NOL9: variants seen among roughly 807,000 people sequenced by gnomAD.
NOL9 encodes the protein polynucleotide 5'-hydroxyl-kinase NOL9.
NOL9 carries 28 observed loss-of-function variants against 67.9 expected under a neutral mutation model. The observed-to-expected ratio is 0.41, with a 90% CI of 0.31 to 0.57. NOL9 has a LOEUF of 0.57. Among genes scored for constraint, NOL9 ranks in the 20% least tolerant of loss-of-function variants. The probability of loss-of-function intolerance (pLI) is 0.25; values close to 1 mark genes in which losing one functional copy is unlikely to be tolerated. For synonymous variants in NOL9, 356 were observed against 352.2 expected, an observed-to-expected ratio of 1.01 and a Z score of -0.12; for missense variants, 777 against 897.0, an observed-to-expected ratio of 0.87 and a Z score of 1.71.
chr1:6,538,255 A>C (rs144867496), intron 6 of NOL9, among the ~76,000 whole-genome samples: 3 of 152,326 alleles, frequency 2.0e-5, no homozygotes, highest in African/African-American at 7.2e-5. Flanking sequence ...AAAGCAAAAA[A>C]ACAACCTACA....
chr1:6,531,870 C>A, intron 9 of NOL9, 98 bp downstream of exon 9: 5 of 849,610 alleles, frequency 5.9e-6, no homozygotes, highest in Non-Finnish European at 8.0e-6. Context: ...ATTAAATGAG[C>A]GAGGAGTTAT....
chr1:6,550,641 A>G (rs908040980), intron 1 of NOL9, 26 bp from the exon 2 acceptor site: 1 of 1,543,648 alleles, frequency 6.5e-7, no homozygotes, highest in Non-Finnish European at 8.9e-7. Flanking sequence ...AACAGAAAAA[A>G]CATTATAGAT....
chr1:6,531,621 G>A (rs948932907), intron 9 of NOL9, among the ~76,000 whole-genome samples: 14 of 152,098 alleles, frequency 9.2e-5, no homozygotes, highest in Admixed American at 5.9e-4. Flanking sequence ...GCTCTACAGC[G>A]GAAAAGTGGA....
intron 9 of NOL9, among the ~76,000 whole-genome samples, chr1:6,530,679 C>T (rs1313568557): frequency 1.3e-5 from 2 of 152,364 alleles, no homozygotes; most frequent in Admixed American, 6.5e-5. Flanking sequence ...CCAGGTCTGC[C>T]GCTTCAGCCT....
Position 6,527,636 on chromosome 1 carries a change from AAAC to A in NOL9, c.1826-810_1826-808del, listed in dbSNP as rs201329836. Among the ~76,000 whole-genome samples, 75 of 46,812 alleles carry A rather than the reference AAAC, an allele frequency of 1.6e-3. 1 individual carries two copies. The highest frequency in any genetic ancestry group is 2.6e-3 in the Non-Finnish European group (38 of 14,882). The allele number at this position is 46,812 out of a possible 152,430, so 30.7% of individuals were successfully genotyped here. On this transcript the variant is annotated intron_variant, in intron 10 of 11. Coordinates refer to ENST00000377705, the MANE Select transcript of NOL9 (RefSeq NM_024654.5). ...TTTGTCTCAAAAACAAAACAAAACA[AAAC>A]AAAAAAAAAACAGCCTGGGCACAGT...
chr1:6,537,844 T>G (rs926186828), intron 6 of NOL9, among the ~76,000 whole-genome samples: 2 of 151,652 alleles, frequency 1.3e-5, no homozygotes, highest in African/African-American at 4.8e-5. Flanking sequence ...AAAACTGGGC[T>G]GGGTGCGGTG....
chr1:6,540,312 C>T (rs531268192), intron 6 of NOL9, among the ~76,000 whole-genome samples: 10 of 151,700 alleles, frequency 6.6e-5, no homozygotes, highest in African/African-American at 1.7e-4. Flanking sequence ...TTAGTAGAGA[C>T]GGGGTTTCAC....
rs763240592 is a variant in NOL9, at chr1:6,541,933, A to C, written c.978-6T>G. 4 of 1,561,112 alleles carry C rather than the reference A, an allele frequency of 2.6e-6. No individual in the cohort carries two copies. In the South Asian group the frequency reaches 4.8e-5, roughly 19 times the overall value. On this transcript the variant is annotated splice_polypyrimidine_tract_variant and splice_region_variant and intron_variant, in intron 5 of 11. Coordinates refer to ENST00000377705, the MANE Select transcript of NOL9 (RefSeq NM_024654.5). ...AATAGTCAACGCAGGGAAGACTGCA[A>C]ATTTTTAAAAAAGAAAAAAGAAAGA... is the stretch of plus-strand genomic sequence containing the variant.
intron 3 of NOL9, among the ~76,000 whole-genome samples, chr1:6,545,673 AC>A (rs1224085819): frequency 6.6e-6 from 1 of 152,136 alleles, no homozygotes; most frequent in Non-Finnish European, 1.5e-5. Context: ...CTCAGTTGGA[AC>A]CAGCTCACCA....
chr1:6,533,577 AG>A, intron 6 of NOL9, 136 bp from the exon 7 acceptor site: 3 of 562,302 alleles, frequency 5.3e-6, no homozygotes, highest in Non-Finnish European at 8.7e-6. Flanking sequence ...TCCTACCTAC[AG>A]GAACACTCTA....
chr1:6,554,304 G>T lies in NOL9; in HGVS notation c.199C>A (p.Arg67Ser), dbSNP rs1206207713. 79 of 1,477,576 alleles carry T rather than the reference G, an allele frequency of 5.3e-5. No homozygotes were observed. The highest frequency in any genetic ancestry group is 7.1e-5 in the Non-Finnish European group (79 of 1,117,154). 91.5% of individuals were successfully genotyped at this position (1,477,576 alleles called of 1,614,324 possible). A position where few individuals can be genotyped will look rare whatever the true frequency, so the allele number is the denominator to read the frequency against. Residue 67 changes from arginine to serine, a missense_variant, in exon 1 of 12, where the codon CGC (arginine) becomes AGC (serine). Around this residue, in one of 2 missense-constraint regions of NOL9, gnomAD observed 364 missense variants for 344.4 expected, o/e 1.06. Coordinates refer to ENST00000377705, the MANE Select transcript of NOL9 (RefSeq NM_024654.5). ...GCCGCCGCCGCGCGCGACACCTGGC[G>T]GGCTCCCTCCCTCCAGTCCACGCCG... ...ASGVDWREGA[R>S]QVSRAAAARR...
At chr1:6,532,278 A>C (rs1570046068) in intron 8 of NOL9, 185 bp downstream of exon 8, 1 of 718,714 alleles carries the variant, frequency 1.4e-6, no homozygotes, top group Non-Finnish European at 2.3e-6. Flanking sequence ...GAGGTAGGGG[A>C]CACTTCTGGA....
intron 7 of NOL9, among the ~76,000 whole-genome samples, chr1:6,532,977 T>C (rs1298286383): frequency 1.3e-5 from 2 of 152,178 alleles, no homozygotes; most frequent in African/African-American, 4.8e-5. Context: ...AAGTTCAAGA[T>C]CAGCATGGCC....
chr1:6,533,429 G>A lies in NOL9; in HGVS notation c.1088C>T (p.Thr363Ile), dbSNP rs199500432. The A allele has an allele frequency of 8.8e-6, 14 of 1,589,624 alleles. No homozygotes were observed. The highest frequency in any genetic ancestry group is 3.3e-4 in the Middle Eastern group (2 of 5,994). The change falls in exon 7 of 12, where the codon ACT (threonine) becomes ATT (isoleucine). Residue 363 changes from threonine (T) to isoleucine (I), a missense_variant. Thr to Ile is a moderately conservative substitution (Grantham distance 89). This residue lies in a region of NOL9 where 413 missense variants were observed against 552.6 expected (regional missense o/e 0.75). Transcript: ENST00000377705. ...CATCTTCTGTGGAGTCCTCAGGTGA[G>A]TGAAAGGTGGTCCTAAAAAGATAAA... ...ITEPVLGPPF[T>I]HLRTPQKMVY...
chr1:6,553,970 AG>A (rs1639605951), intron 1 of NOL9, 136 bp downstream of exon 1: 2 of 652,764 alleles, frequency 3.1e-6, no homozygotes, highest in Admixed American at 7.4e-5. Context: ...AACCATCAAG[AG>A]GATGGACTTG....
chr1:6,549,814 T>C, intron 2 of NOL9, 116 bp from the exon 3 acceptor site: 6 of 1,282,006 alleles, frequency 4.7e-6, no homozygotes, highest in Non-Finnish European at 6.5e-6. Context: ...GAATTACGGT[T>C]GAGAGCCTTT....
intron 6 of NOL9, among the ~76,000 whole-genome samples, chr1:6,538,055 A>T (rs994233755): frequency 3.4e-4 from 52 of 151,698 alleles, no homozygotes; most frequent in Non-Finnish European, 4.4e-5. Context: ...TGAAAAATTT[A>T]AAAATAAAAA....
At position 6,521,735 on chromosome 1, in the gene NOL9, C is replaced by T. The variant is rs1212426031; in HGVS notation, c.*4119G>A. On this transcript the variant is annotated 3_prime_UTR_variant, in exon 12 of 12. Transcript: ENST00000377705. ...TAGTTTCTGCATCCCTCCAGCATGACCGTGAGTAGCACAGCCGTGGTGCCA... is the reference window on the plus strand; with the variant it reads ...TAGTTTCTGCATCCCTCCAGCATGATCGTGAGTAGCACAGCCGTGGTGCCA... 1.3e-5 allele frequency: 2 copies of T among 152,180 alleles called. No homozygotes were observed. Among genetic ancestry groups the T allele is most frequent in the Admixed American group, 6.5e-5 (1 of 15,268 alleles). The allele number at this position is 152,180 out of a possible 1,614,324, so 9.4% of individuals were successfully genotyped here.
At position 6,549,590 on chromosome 1, in the gene NOL9, G is replaced by A; in HGVS notation, c.725C>T (p.Ser242Phe). 2.5e-6 allele frequency: 4 copies of A among 1,614,068 alleles called. No homozygotes were observed. Among genetic ancestry groups the A allele is most frequent in the African/African-American group, 1.3e-5 (1 of 75,042 alleles). ...VNFITSYPGS[S>F]YIFVQESPTP... is the part of the protein sequence containing the mutation. ...TTCTACCTCTTGCACAAAAATGTAGGATGAACCCGGATAGCTGGTTATGAA... is the reference window on the plus strand; with the variant it reads ...TTCTACCTCTTGCACAAAAATGTAGAATGAACCCGGATAGCTGGTTATGAA... Residue 242 changes from serine (S) to phenylalanine (F), a missense_variant, in exon 3 of 12, where the codon TCC becomes TTC. Coordinates refer to ENST00000377705, the MANE Select transcript of NOL9 (RefSeq NM_024654.5).
Sources: allele counts gnomAD v4.1 joint callset (sites outside exome capture counted in the v4.1 genomes callset), GRCh38; gene constraint gnomAD v4.1.1; regional missense constraint gnomAD v4.1.1; transcripts MANE v1.5; gene names NCBI Gene and HGNC (gene_info 2026-07-23, HGNC 2026-07-21).